Variants in CAP2 observed in about 807,000 individuals in gnomAD.
CAP2 encodes the protein cyclase associated actin cytoskeleton regulatory protein 2, also known as adenylyl cyclase-associated protein 2.
In CAP2, 24 loss-of-function variants were observed where a neutral mutation model predicts 57.7. That is an observed-to-expected ratio of 0.42 (90% CI 0.30 to 0.58). CAP2 has a LOEUF of 0.58. CAP2 is among the 20% of genes least tolerant of loss of function. CAP2 has a pLI of 0.22. For missense variants in CAP2, 501 were observed against 590.3 expected (o/e 0.85, Z 1.57); for synonymous variants, 194 against 207.2 (o/e 0.94, Z 0.55).
intron 7 of CAP2, among the ~76,000 whole-genome samples, chr6:17,530,277 C>T (rs1561817630): frequency 1.3e-5 from 2 of 152,172 alleles, no homozygotes; most frequent in Middle Eastern, 3.4e-3. Flanking sequence ...GACAGGATCT[C>T]ACTATGTTGC....
At position 17,539,334 on chromosome 6, in the gene CAP2, CCCT is replaced by C. The variant is rs1172491982; in HGVS notation, c.710_712del (p.Pro237del). 6.8e-6 allele frequency: 11 copies of C among 1,613,914 alleles called. No homozygotes were observed. Among genetic ancestry groups the C allele is most frequent in the Non-Finnish European group, 8.5e-6 (10 of 1,179,888 alleles). ...CCTCTGGGCCTGGCCTTCCTCCACC[CCCT>C]CCTCCTCTGCCTCCTCCAGGGCCAC... On this transcript the variant is annotated inframe_deletion, in exon 8 of 13. Coordinates refer to ENST00000229922, the MANE Select transcript of CAP2 (RefSeq NM_006366.3).
intron 2 of CAP2, among the ~76,000 whole-genome samples, chr6:17,424,344 G>A (rs1378880353): frequency 1.3e-5 from 2 of 152,114 alleles, no homozygotes; most frequent in African/African-American, 4.8e-5. Context: ...AGCTTGCAGT[G>A]AGCCGAGATC....
At chr6:17,479,755 T>G (rs1412258614) in intron 4 of CAP2, among the ~76,000 whole-genome samples, 1 of 150,958 alleles carries the variant, frequency 6.6e-6, no homozygotes, top group Non-Finnish European at 1.5e-5. Flanking sequence ...GGGACTACAG[T>G]CACCCGCCAC....
At chr6:17,490,441 A>G (rs1478896923) in intron 4 of CAP2, among the ~76,000 whole-genome samples, 2 of 152,214 alleles carry the variant, frequency 1.3e-5, no homozygotes, top group Non-Finnish European at 2.9e-5. Context: ...TTATTTTACA[A>G]TTAGACACCA....
intron 4 of CAP2, among the ~76,000 whole-genome samples, chr6:17,506,400 C>G (rs1476539753): frequency 6.6e-6 from 1 of 152,044 alleles, no homozygotes; most frequent in Middle Eastern, 3.2e-3. Flanking sequence ...CAGCTGTAAT[C>G]CCAGTACTTT....
intron 3 of CAP2, among the ~76,000 whole-genome samples, chr6:17,430,546 T>G (rs1332529791): frequency 6.6e-6 from 1 of 151,752 alleles, no homozygotes; most frequent in East Asian, 1.9e-4. Context: ...TTGGGTTTTT[T>G]TTTTTTTTTC....
chr6:17,477,616 G>A (rs780067100), intron 4 of CAP2, among the ~76,000 whole-genome samples: 20 of 152,308 alleles, frequency 1.3e-4, no homozygotes, highest in Non-Finnish European at 2.1e-4. Flanking sequence ...GTCTGGAAGA[G>A]GGTTTCCTCC....
intron 1 of CAP2, among the ~76,000 whole-genome samples, chr6:17,412,407 A>G (rs1318165184): frequency 6.6e-6 from 1 of 152,234 alleles, no homozygotes; most frequent in Non-Finnish European, 1.5e-5. Flanking sequence ...TATTGGAAAT[A>G]GGAAAACTGA....
intron 4 of CAP2, among the ~76,000 whole-genome samples, chr6:17,488,773 A>T (rs894338178): frequency 3.9e-5 from 6 of 152,242 alleles, no homozygotes; most frequent in African/African-American, 1.4e-4. Context: ...TTCTGTTGTC[A>T]TCAAAGTTTG....
chr6:17,547,228 CTT>C, intron 11 of CAP2, among the ~76,000 whole-genome samples: 1 of 152,278 alleles, frequency 6.6e-6, no homozygotes, highest in East Asian at 1.9e-4. Flanking sequence ...AAATAACAGT[CTT>C]ATACCATTAT....
intron 4 of CAP2, among the ~76,000 whole-genome samples, chr6:17,505,718 A>T (rs1761963536): frequency 6.6e-6 from 1 of 152,190 alleles, no homozygotes; most frequent in African/African-American, 2.4e-5. Flanking sequence ...TTTGGAGCAC[A>T]CACAAAAATC....
chr6:17,489,452 G>GA (rs1183940107), intron 4 of CAP2, among the ~76,000 whole-genome samples: 1 of 151,922 alleles, frequency 6.6e-6, no homozygotes, highest in African/African-American at 2.4e-5. Flanking sequence ...CAAAACAAAA[G>GA]AAAAAACAAA....
intron 3 of CAP2, among the ~76,000 whole-genome samples, chr6:17,432,104 C>T (rs564386724): frequency 3.3e-5 from 5 of 152,322 alleles, no homozygotes; most frequent in African/African-American, 1.2e-4. Context: ...GTTGTCACAT[C>T]TTCCTTTACA....
rs1316080849 is a variant in CAP2 at position 17,507,248 on chromosome 6, G to A, written c.380G>A (p.Ser127Asn). 6.2e-7 allele frequency: 1 copy of A among 1,614,056 alleles called. No homozygotes were observed. Among genetic ancestry groups the A allele is most frequent in the Non-Finnish European group, 8.5e-7 (1 of 1,179,986 alleles). ...ACTTTCAGAGAGAGAAACCGGGGGAGTAACATGTTTAATCATCTTTCGGCC... is the reference window on the plus strand; with the variant it reads ...ACTTTCAGAGAGAGAAACCGGGGGAATAACATGTTTAATCATCTTTCGGCC... ...IQTFRERNRGSNMFNHLSAVS... is the reference protein window; with the variant it reads ...IQTFRERNRGNNMFNHLSAVS... The change falls in exon 5 of 13, where the codon AGT becomes AAT. Residue 127 changes from serine to asparagine, a missense_variant. Coordinates refer to ENST00000229922, the MANE Select transcript of CAP2 (RefSeq NM_006366.3).
chr6:17,529,993 AG>A (rs1762603538), intron 7 of CAP2, among the ~76,000 whole-genome samples: 1 of 151,890 alleles, frequency 6.6e-6, no homozygotes, highest in Admixed American at 6.6e-5. Flanking sequence ...AAAAAAAAAA[AG>A]TTCCATTGTA....
intron 7 of CAP2, 77 bp downstream of exon 7, chr6:17,514,031 C>A: frequency 1.1e-6 from 1 of 893,102 alleles, no homozygotes; most frequent in Non-Finnish European, 1.8e-6. Flanking sequence ...AGTAATCTCA[C>A]ACCTTAAAAC....
chr6:17,406,398 C>CTTTTTTTTTTTTTTTT lies in CAP2; in HGVS notation c.-2+12667_-2+12668insTTTTTTTTTTTTTTTT, dbSNP rs777803474. Among the ~76,000 whole-genome samples, 205 of 102,460 alleles carry CTTTTTTTTTTTTTTTT rather than the reference C, an allele frequency of 2.0e-3. 19 individuals are homozygous for CTTTTTTTTTTTTTTTT. Among genetic ancestry groups the CTTTTTTTTTTTTTTTT allele is most frequent in the South Asian group, 3.8e-3 (12 of 3,184 alleles). The allele number at this position is 102,460 out of a possible 152,430, so 67.2% of individuals were successfully genotyped here. ...CTTTTCTGTCAGTAAGCCCAGATTT[C>CTTTTTTTTTTTTTTTT]TTTTTTTTTTTTTTTGAGGCAGTCT... is the stretch of plus-strand genomic sequence containing the variant. On this transcript the variant is annotated intron_variant, in intron 1 of 12. Coordinates refer to ENST00000229922, the MANE Select transcript of CAP2 (RefSeq NM_006366.3).
At chr6:17,510,984 T>C (rs1762131298) in intron 6 of CAP2, among the ~76,000 whole-genome samples, 1 of 152,228 alleles carries the variant, frequency 6.6e-6, no homozygotes, top group Admixed American at 6.5e-5. Flanking sequence ...TGGGCTTTTC[T>C]ACATGCTTTT....
At chr6:17,426,529 C>T in intron 2 of CAP2, 61 bp from the exon 3 acceptor site, 2 of 1,253,280 alleles carry the variant, frequency 1.6e-6, no homozygotes, top group Non-Finnish European at 2.3e-6. Context: ...GCCACCGTGC[C>T]CGGCTAGTCC....
Sources: gnomAD v4.1 joint callset for allele counts (sites outside exome capture counted in the v4.1 genomes callset) on GRCh38, gnomAD v4.1.1 for gene constraint, MANE v1.5 for transcripts, NCBI Gene and HGNC (gene_info 2026-07-23, HGNC 2026-07-21) for gene names.